Variants in PDE1C observed in about 807,000 individuals in gnomAD.
PDE1C encodes phosphodiesterase 1C.
Under a neutral mutation model 93.1 loss-of-function variants are expected in PDE1C, and 62 were observed. The observed-to-expected ratio is 0.67, with a 90% confidence interval of 0.54 to 0.82. PDE1C has a LOEUF of 0.82. Ranked by LOEUF, PDE1C falls within the 40% of genes least tolerant of loss-of-function variation. The probability of loss-of-function intolerance (pLI) is 0.00; values close to 1 mark genes in which losing one functional copy is unlikely to be tolerated. For synonymous variants in PDE1C, 325 were observed against 310.1 expected, an observed-to-expected ratio of 1.05 and a Z score of -0.50; for missense variants, 742 against 884.6, an observed-to-expected ratio of 0.84 and a Z score of 2.04.
intron 2 of PDE1C, among the ~76,000 whole-genome samples, chr7:31,914,501 A>C (rs1204350463): frequency 1.3e-5 from 2 of 152,242 alleles, no homozygotes; most frequent in African/African-American, 4.8e-5. Context: ...TAGTGAAAGC[A>C]AATAGCAGAC....
intron 17 of PDE1C, among the ~76,000 whole-genome samples, chr7:31,766,459 T>C (rs999703217): frequency 8.5e-5 from 13 of 152,144 alleles, no homozygotes; most frequent in African/African-American, 3.1e-4. Flanking sequence ...TAAATACCCA[T>C]ACTCTCAATA....
chr7:31,711,977 C>T, the PDE1C span, among the ~76,000 whole-genome samples: 9,539 of 152,252 alleles, frequency 0.063, 361 homozygotes, highest in Non-Finnish European at 0.088. Flanking sequence ...TTGCCCCTCA[C>T]CACCCAGTGA....
At chr7:32,171,834 C>T (rs1398803803) in intron 2 of PDE1C, among the ~76,000 whole-genome samples, 1 of 147,846 alleles carries the variant, frequency 6.8e-6, no homozygotes, top group East Asian at 2.0e-4. Context: ...TAAGGAAAGT[C>T]TGAAAAACTG....
chr7:32,412,660 C>T (rs1340482773), intron 1 of PDE1C, among the ~76,000 whole-genome samples: 2 of 151,704 alleles, frequency 1.3e-5, no homozygotes, highest in Non-Finnish European at 2.9e-5. Context: ...TTTTTCAACT[C>T]GATTAGCATC....
intron 1 of PDE1C, among the ~76,000 whole-genome samples, chr7:32,332,717 A>T (rs1192450668): frequency 6.6e-6 from 1 of 152,266 alleles, no homozygotes; most frequent in African/African-American, 2.4e-5. Context: ...AAGTGAATAA[A>T]CAAAATGCAC....
chr7:32,130,313 A>G (rs950722987), intron 3 of PDE1C, among the ~76,000 whole-genome samples: 2 of 152,148 alleles, frequency 1.3e-5, no homozygotes, highest in African/African-American at 4.8e-5. Context: ...TCATTACAAA[A>G]CATAGGAGGT....
At chr7:32,420,144 C>T (rs1249991830) in intron 1 of PDE1C, among the ~76,000 whole-genome samples, 536 of 37,656 alleles carry the variant, frequency 0.014, 19 homozygotes, top group Non-Finnish European at 0.019. Flanking sequence ...CACACACACA[C>T]ACACACACAC....
At chr7:32,079,917 A>G (rs1796563651) in intron 3 of PDE1C, among the ~76,000 whole-genome samples, 1 of 152,146 alleles carries the variant, frequency 6.6e-6, no homozygotes, top group Non-Finnish European at 1.5e-5. Flanking sequence ...TGATACAGAT[A>G]CTTGCAGCCA....
chr7:31,693,312 C>T, the PDE1C span, among the ~76,000 whole-genome samples: 4 of 152,186 alleles, frequency 2.6e-5, no homozygotes, highest in Non-Finnish European at 4.4e-5. Flanking sequence ...AAGAGACCCA[C>T]AGCAGGCAGT....
the PDE1C span, among the ~76,000 whole-genome samples, chr7:31,624,963 G>A: frequency 7.2e-5 from 11 of 152,224 alleles, no homozygotes; most frequent in African/African-American, 2.6e-4. Flanking sequence ...GTGGGCAAAG[G>A]ACATGAATAG....
At chr7:31,844,640 T>C (rs1305353516) in intron 9 of PDE1C, among the ~76,000 whole-genome samples, 2 of 152,018 alleles carry the variant, frequency 1.3e-5, no homozygotes, top group Non-Finnish European at 2.9e-5. Flanking sequence ...TAACCTGTTT[T>C]AGGTTTGCTG....
chr7:31,983,528 G>C (rs1169653271), intron 2 of PDE1C, among the ~76,000 whole-genome samples: 1 of 152,156 alleles, frequency 6.6e-6, no homozygotes, highest in Non-Finnish European at 1.5e-5. Flanking sequence ...ATTAGAAAGT[G>C]AAACAAATGT....
chr7:32,206,897 A>G (rs115205654), intron 2 of PDE1C, among the ~76,000 whole-genome samples: 26 of 152,284 alleles, frequency 1.7e-4, no homozygotes, highest in African/African-American at 6.0e-4. Flanking sequence ...TGTCCTGGAC[A>G]CTGTCATTCT....
upstream of PDE1C, chr7:32,071,266 G>T (rs1563284887): frequency 2.0e-6 from 2 of 985,330 alleles, no homozygotes; most frequent in Non-Finnish European, 2.4e-6. Context: ...ATCCTCCCGG[G>T]GCCAGGGCAC....
At chr7:32,000,723 C>A (rs1785349644) in intron 2 of PDE1C, among the ~76,000 whole-genome samples, 1 of 152,186 alleles carries the variant, frequency 6.6e-6, no homozygotes, top group Non-Finnish European at 1.5e-5. Flanking sequence ...CCCATTACCA[C>A]CTCCAGCCTC....
chr7:32,164,745 TC>T (rs1006306240), intron 3 of PDE1C, among the ~76,000 whole-genome samples: 57 of 152,164 alleles, frequency 3.7e-4, no homozygotes, highest in African/African-American at 1.4e-3. Flanking sequence ...GCCAGGTCCC[TC>T]CCACCTCTGG....
intron 2 of PDE1C, among the ~76,000 whole-genome samples, chr7:31,919,987 C>T (rs1802401062): frequency 6.6e-6 from 1 of 152,138 alleles, no homozygotes; most frequent in Admixed American, 6.6e-5. Context: ...CTGTGAAGCC[C>T]CTAAATCTGC....
At chr7:32,059,476 C>T (rs1291475131) in intron 1 of PDE1C, among the ~76,000 whole-genome samples, 1 of 152,166 alleles carries the variant, frequency 6.6e-6, no homozygotes, top group East Asian at 1.9e-4. Flanking sequence ...TGCTCCTGTC[C>T]TCCCAAAGCA....
rs796122014 is a variant in PDE1C, at chr7:32,341,173, C to CTATTTTTTATTTTTTATT, written c.310+86648_310+86649insAATAAAAAATAAAAAATA. Among the ~76,000 whole-genome samples the CTATTTTTTATTTTTTATT allele has an allele frequency of 5.8e-4, 49 of 84,956 alleles. 1 individual carries two copies. The highest frequency in any genetic ancestry group is 1.2e-3 in the African/African-American group (28 of 23,020). The allele number at this position is 84,956 out of a possible 152,430, so 55.7% of individuals were successfully genotyped here. Reference sequence around the variant, plus strand: ...CCTAAAACTACTCTAGAAATAAAGTCTTTTTTTTTTTTTTTTTTTTGAGAC... The same window carrying CTATTTTTTATTTTTTATT: ...CCTAAAACTACTCTAGAAATAAAGTCTATTTTTTATTTTTTATTTTTTTTTTTTTTTTTTTTTTGAGAC... On this transcript the variant is annotated intron_variant, in intron 1 of 1. Transcript: ENST00000672256.
Sources: gnomAD v4.1 joint callset for allele counts (sites outside exome capture counted in the v4.1 genomes callset) on GRCh38, gnomAD v4.1.1 for gene constraint, MANE v1.5 for transcripts, NCBI Gene and HGNC (gene_info 2026-07-23, HGNC 2026-07-21) for gene names.